Variants in CLASP1 observed in about 807,000 individuals in gnomAD.
CLASP1 encodes cytoplasmic linker associated protein 1, also known as CLIP-associating protein 1.
In CLASP1, 38 loss-of-function variants were observed where a neutral mutation model predicts 192.3. The observed-to-expected ratio is 0.20, with a 90% confidence interval of 0.15 to 0.26. The LOEUF is 0.26. Among genes scored for constraint, CLASP1 ranks in the 10% least tolerant of loss-of-function variants. The pLI is 1.00. For synonymous variants in CLASP1, 691 were observed against 712.8 expected (o/e 0.97, Z 0.49); for missense variants, 1,433 against 1,932.5 (o/e 0.74, Z 4.85).
chr2:121,622,691 T>A (rs1230656427), intron 1 of CLASP1, among the ~76,000 whole-genome samples: 1 of 152,222 alleles, frequency 6.6e-6, no homozygotes, highest in Non-Finnish European at 1.5e-5. Context: ...AATTATTCAT[T>A]GTAAATGTGT....
At chr2:121,469,047 TTC>T (rs372912357) in intron 9 of CLASP1, among the ~76,000 whole-genome samples, 109 of 152,270 alleles carry the variant, frequency 7.2e-4, no homozygotes, top group African/African-American at 2.5e-3. Context: ...TGTTGCTGTT[TTC>T]TGTTTGTTTT....
At chr2:121,646,707 T>G (rs985527132) in intron 1 of CLASP1, among the ~76,000 whole-genome samples, 3 of 152,148 alleles carry the variant, frequency 2.0e-5, no homozygotes, top group Non-Finnish European at 4.4e-5. Context: ...ATCAAGACAC[T>G]AAGCTACTTA....
At chr2:121,370,590 G>A (rs2149281396) in intron 34 of CLASP1, among the ~76,000 whole-genome samples, 1 of 152,182 alleles carries the variant, frequency 6.6e-6, no homozygotes, top group East Asian at 1.9e-4. Flanking sequence ...CTCCCAAAGT[G>A]CTGGGATTAC....
chr2:121,510,804 T>A (rs775144964), intron 7 of CLASP1, among the ~76,000 whole-genome samples: 3 of 151,590 alleles, frequency 2.0e-5, no homozygotes, highest in African/African-American at 4.8e-5. Flanking sequence ...CCTCAAAAAA[T>A]AATAATAATA....
intron 23 of CLASP1, among the ~76,000 whole-genome samples, chr2:121,416,461 A>C (rs2078599474): frequency 6.6e-6 from 1 of 152,204 alleles, no homozygotes; most frequent in Admixed American, 6.5e-5. Flanking sequence ...GGATTCAAAG[A>C]AGCACTGACA....
chr2:121,375,939 T>C (rs1318571093), intron 34 of CLASP1, among the ~76,000 whole-genome samples: 1 of 152,224 alleles, frequency 6.6e-6, no homozygotes, highest in Non-Finnish European at 1.5e-5. Context: ...CTTGAAAAGA[T>C]AGCTGAGGGT....
chr2:121,644,890 C>T (rs1265532646), intron 1 of CLASP1, among the ~76,000 whole-genome samples: 1 of 146,428 alleles, frequency 6.8e-6, no homozygotes, highest in African/African-American at 2.5e-5. Context: ...TCCAGAAGGT[C>T]AAGGTTGCAG....
At chr2:121,622,405 T>C (rs1299259807) in intron 1 of CLASP1, among the ~76,000 whole-genome samples, 1 of 150,804 alleles carries the variant, frequency 6.6e-6, no homozygotes, top group Non-Finnish European at 1.5e-5. Flanking sequence ...ACCTAGTCTC[T>C]AAAAAAAACA....
intron 2 of CLASP1, among the ~76,000 whole-genome samples, chr2:121,561,679 G>A (rs1046431277): frequency 2.0e-5 from 3 of 152,184 alleles, no homozygotes; most frequent in African/African-American, 7.2e-5. Flanking sequence ...AACTGTCCTG[G>A]GCTTCTGAGC....
intron 2 of CLASP1, among the ~76,000 whole-genome samples, chr2:121,560,702 TG>T (rs1242694984): frequency 6.6e-6 from 1 of 152,208 alleles, no homozygotes; most frequent in Non-Finnish European, 1.5e-5. Context: ...TGAAGTTAAA[TG>T]CTGGGTGCAT....
chr2:121,609,342 T>C lies in CLASP1; in HGVS notation c.-285-3162A>G, dbSNP rs1284938646. 2.0e-5 allele frequency among the ~76,000 whole-genome samples: 3 copies of C among 152,352 alleles called. No homozygotes were observed. In the East Asian group the frequency reaches 5.8e-4, roughly 29 times the overall value. ...ACGTAATTATGCAACAAAGGCTTAGTACACTCAAAAACAGGTCACAAATTC... is the reference window on the plus strand; with the variant it reads ...ACGTAATTATGCAACAAAGGCTTAGCACACTCAAAAACAGGTCACAAATTC... On this transcript the variant is annotated intron_variant, in intron 1 of 39. Coordinates refer to ENST00000263710, the Ensembl canonical transcript of CLASP1.
chr2:121,365,281 G>C, exon 36 of CLASP1: 1 of 1,611,826 alleles, frequency 6.2e-7, no homozygotes, highest in Non-Finnish European at 8.5e-7. Flanking sequence ...ATGGTCGATG[G>C]GCACTGGTGA....
At chr2:121,607,228 A>G (rs1414862505) in intron 1 of CLASP1, among the ~76,000 whole-genome samples, 1 of 151,934 alleles carries the variant, frequency 6.6e-6, no homozygotes, top group Non-Finnish European at 1.5e-5. Flanking sequence ...AATCCCAGCT[A>G]CTTAGGAGGC....
At chr2:121,608,561 G>A (rs1222890176) in intron 1 of CLASP1, among the ~76,000 whole-genome samples, 6 of 152,188 alleles carry the variant, frequency 3.9e-5, no homozygotes, top group Non-Finnish European at 8.8e-5. Flanking sequence ...AGCAGCAACT[G>A]CCAGACATGT....
At chr2:121,363,920 A>AAAGT (rs1473213321) in intron 36 of CLASP1, among the ~76,000 whole-genome samples, 1 of 152,186 alleles carries the variant, frequency 6.6e-6, no homozygotes, top group African/African-American at 2.4e-5. Context: ...ACAGAGCCAG[A>AAAGT]AAGTACATCC....
chr2:121,487,682 C>T (rs944450829), intron 8 of CLASP1, among the ~76,000 whole-genome samples: 1 of 152,174 alleles, frequency 6.6e-6, no homozygotes, highest in East Asian at 1.9e-4. Context: ...AGGAAGACCA[C>T]AGAGGTAAAA....
At chr2:121,393,110 A>G (rs1326922437) in intron 30 of CLASP1, among the ~76,000 whole-genome samples, 2 of 152,232 alleles carry the variant, frequency 1.3e-5, no homozygotes, top group African/African-American at 4.8e-5. Flanking sequence ...GTGCTTTCAC[A>G]AACATGGTTG....
intron 20 of CLASP1, among the ~76,000 whole-genome samples, chr2:121,428,936 TA>T (rs1160014428): frequency 6.6e-6 from 1 of 152,142 alleles, no homozygotes; most frequent in Non-Finnish European, 1.5e-5. Context: ...TCACAAAGGT[TA>T]AAAGACTCAC....
intron 2 of CLASP1, among the ~76,000 whole-genome samples, chr2:121,569,634 C>T (rs1559638747): frequency 6.6e-6 from 1 of 152,102 alleles, no homozygotes; most frequent in Non-Finnish European, 1.5e-5. Context: ...GGGCAAATCA[C>T]CTGAGATCAG....
Sources: gnomAD v4.1 joint callset for allele counts (sites outside exome capture counted in the v4.1 genomes callset) on GRCh38, gnomAD v4.1.1 for gene constraint, MANE v1.5 for transcripts, NCBI Gene and HGNC (gene_info 2026-07-23, HGNC 2026-07-21) for gene names.